The following POT1 variants were observed in gnomAD, a reference collection of about 807,000 sequenced individuals.
The protein encoded by POT1 is protection of telomeres 1, also known as protection of telomeres protein 1.
POT1 carries 47 observed loss-of-function variants against 78.5 expected under a neutral mutation model. The observed-to-expected ratio is 0.60, with a 90% CI of 0.47 to 0.76. The LOEUF is 0.76. POT1 is among the 30% of genes least tolerant of loss of function. POT1 has a pLI of 0.00. For synonymous variants in POT1, 259 were observed against 260.7 expected (o/e 0.99, Z 0.06); for missense variants, 646 against 749.9 (o/e 0.86, Z 1.62).
intron 7 of POT1, among the ~76,000 whole-genome samples, chr7:124,870,570 T>C (rs1002338666): frequency 4.0e-5 from 6 of 151,810 alleles, no homozygotes; most frequent in Admixed American, 6.6e-5. Context: ...GACCTAAAGC[T>C]CTTTTTTAAA....
At chr7:124,863,087 TA>T (rs1795636765) in intron 8 of POT1, among the ~76,000 whole-genome samples, 1 of 152,182 alleles carries the variant, frequency 6.6e-6, no homozygotes, top group Admixed American at 6.6e-5. Flanking sequence ...TTATTACTAC[TA>T]AAATTTTAAA....
chr7:124,903,835 T>A (rs1421035168), intron 3 of POT1, among the ~76,000 whole-genome samples: 1 of 152,106 alleles, frequency 6.6e-6, no homozygotes, highest in African/African-American at 2.4e-5. Flanking sequence ...ATAAAGGGGA[T>A]ATCACCACTG....
chr7:124,909,026 C>A (rs1287548941), intron 3 of POT1, among the ~76,000 whole-genome samples: 1 of 151,846 alleles, frequency 6.6e-6, no homozygotes, highest in Non-Finnish European at 1.5e-5. Context: ...GAAGCCAAAT[C>A]TCCTGACTTT....
At chr7:124,915,952 T>C (rs1797005011) in intron 2 of POT1, among the ~76,000 whole-genome samples, 1 of 152,178 alleles carries the variant, frequency 6.6e-6, no homozygotes, top group Non-Finnish European at 1.5e-5. Flanking sequence ...TAATCTGTAA[T>C]ATTGTTCTCT....
At chr7:124,915,803 G>C (rs1263583886) in intron 2 of POT1, among the ~76,000 whole-genome samples, 157 bp from the exon 3 acceptor site, 2 of 151,858 alleles carry the variant, frequency 1.3e-5, no homozygotes, top group Admixed American at 6.6e-5. Flanking sequence ...AGAAACTGTT[G>C]AATTTGTTTT....
chr7:124,924,153 A>G (rs1797217536), intron 2 of POT1, among the ~76,000 whole-genome samples: 1 of 111,776 alleles, frequency 8.9e-6, no homozygotes, highest in African/African-American at 3.7e-5. Context: ...ATGAACAAAA[A>G]TCCAAAAAAA....
At chr7:124,916,656 T>C (rs1043028527) in intron 2 of POT1, among the ~76,000 whole-genome samples, 7 of 152,096 alleles carry the variant, frequency 4.6e-5, no homozygotes, top group African/African-American at 1.7e-4. Flanking sequence ...AAGATACAAA[T>C]AAAATTTTTA....
chr7:124,904,429 TC>T (rs1796707850), intron 3 of POT1, among the ~76,000 whole-genome samples: 1 of 152,158 alleles, frequency 6.6e-6, no homozygotes, highest in Non-Finnish European at 1.5e-5. Context: ...GAAAAGGCCT[TC>T]AACAAAATTC....
chr7:124,883,119 C>T (rs1023945660), intron 6 of POT1, among the ~76,000 whole-genome samples: 6 of 151,934 alleles, frequency 3.9e-5, no homozygotes, highest in Non-Finnish European at 5.9e-5. Context: ...AAGAGTCTCC[C>T]CTCACTCACC....
intron 13 of POT1, among the ~76,000 whole-genome samples, chr7:124,841,948 A>G (rs1379095134): frequency 6.6e-6 from 1 of 152,028 alleles, no homozygotes; most frequent in East Asian, 1.9e-4. Context: ...CAGTTCCCTC[A>G]CATTTTATTT....
chr7:124,840,663 T>A (rs1190107682), intron 14 of POT1: 1 of 189,272 alleles, frequency 5.3e-6, no homozygotes, highest in South Asian at 1.1e-4. Context: ...ACATAAGCAA[T>A]CAGCCTCTTT....
rs1437583885 is a variant in POT1 at position 124,842,952 on chromosome 7, G to C, written c.1018C>G (p.His340Asp). 6.3e-7 allele frequency: 1 copy of C among 1,580,028 alleles called. No individual in the cohort carries two copies. Among genetic ancestry groups the C allele is most frequent in the East Asian group, 2.3e-5 (1 of 43,926 alleles). The change falls in exon 13 of 19, where the codon CAT becomes GAT. Residue 340 changes from histidine (H) to aspartate (D), a missense_variant. This residue lies in a region of POT1 where 394 missense variants were observed against 408.4 expected (regional missense o/e 0.96). Transcript: ENST00000357628. ...QQLSATILTD[H>D]QYLERTPLCA... ...AGTGGTGTCCTCTCCAAATACTGAT[G>C]ATCTGTAAGTACTGTAAAGAATTTT...
chr7:124,876,300 T>C (rs1795989024), intron 6 of POT1, among the ~76,000 whole-genome samples: 1 of 152,192 alleles, frequency 6.6e-6, no homozygotes, highest in African/African-American at 2.4e-5. Context: ...CGCACTGCTG[T>C]ATAATATTTG....
chr7:124,871,117 A>G, intron 6 of POT1, 76 bp from the exon 7 acceptor site: 1 of 1,244,300 alleles, frequency 8.0e-7, no homozygotes, highest in Non-Finnish European at 1.1e-6. Context: ...TGCTTACTTC[A>G]AAACACCAAA....
At chr7:124,903,222 A>G (rs1796668877) in intron 3 of POT1, among the ~76,000 whole-genome samples, 1 of 152,216 alleles carries the variant, frequency 6.6e-6, no homozygotes, top group Non-Finnish European at 1.5e-5. Flanking sequence ...CAGAATATAC[A>G]TTCTTCTCAG....
In POT1 at chr7:124,877,840, CAAAAA is replaced by C. The variant is rs201285982; in HGVS notation, c.125-6804_125-6800del. ...TGGGCGACAGAGAGAGATTCTGTCTCAAAAAAAAAAAAAAAAAAAAAAAAAAAAAG... is the reference window on the plus strand; with the variant it reads ...TGGGCGACAGAGAGAGATTCTGTCTCAAAAAAAAAAAAAAAAAAAAAAAAG... On this transcript the variant is annotated intron_variant, in intron 6 of 18. Transcript: ENST00000357628. Among the ~76,000 whole-genome samples the C allele has an allele frequency of 3.8e-3, 308 of 80,446 alleles. 2 individuals carry two copies. Among genetic ancestry groups the C allele is most frequent in the African/African-American group, 9.6e-3 (232 of 24,168 alleles). 52.8% of individuals were successfully genotyped at this position (80,446 alleles called of 152,430 possible). A position where few individuals can be genotyped will look rare whatever the true frequency, so the allele number is the denominator to read the frequency against.
chr7:124,868,033 T>A (rs1276637750), intron 7 of POT1, among the ~76,000 whole-genome samples: 4 of 152,166 alleles, frequency 2.6e-5, no homozygotes, highest in African/African-American at 9.7e-5. Context: ...AACAGATGCC[T>A]ATACAATAAA....
intron 12 of POT1, 98 bp downstream of exon 12, chr7:124,846,844 T>C (rs1795179757): frequency 2.4e-6 from 2 of 845,938 alleles, no homozygotes; most frequent in Non-Finnish European, 3.8e-6. Flanking sequence ...AGGATATGTG[T>C]TCTACTATTA....
chr7:124,825,026 ATATT>A (rs1401528496), intron 18 of POT1, among the ~76,000 whole-genome samples: 10 of 152,064 alleles, frequency 6.6e-5, no homozygotes, highest in Admixed American at 5.2e-4. Flanking sequence ...TCCCTTTCCT[ATATT>A]TAAAAATATT....
Sources: allele counts gnomAD v4.1 joint callset (sites outside exome capture counted in the v4.1 genomes callset), GRCh38; gene constraint gnomAD v4.1.1; regional missense constraint gnomAD v4.1.1; transcripts MANE v1.5; gene names NCBI Gene and HGNC (gene_info 2026-07-23, HGNC 2026-07-21).